Variants in LHFPL4 observed in about 807,000 individuals in gnomAD.
The protein encoded by LHFPL4 is LHFPL tetraspan subfamily member 4 protein.
A neutral mutation model predicts 20.0 loss-of-function variants in LHFPL4; 6 were observed. The observed-to-expected ratio is 0.30, with a 90% confidence interval of 0.16 to 0.59. The LOEUF (loss-of-function observed/expected upper bound fraction) is 0.59, where lower values mean the gene tolerates loss of function less well. Ranked by LOEUF, LHFPL4 falls within the 20% of genes least tolerant of loss-of-function variation. LHFPL4 has a pLI of 0.88. For missense variants in LHFPL4, 215 were observed against 331.2 expected (o/e 0.65, Z 2.72); for synonymous variants, 129 against 143.8 (o/e 0.90, Z 0.74).
Position 9,500,014 on chromosome 3 carries a change from C to G in LHFPL4, c.*2197G>C, listed in dbSNP as rs2046159520. 6.6e-6 allele frequency: 1 copy of G among 151,454 alleles called. No individual in the cohort carries two copies. The highest frequency in any genetic ancestry group is 1.5e-5 in the Non-Finnish European group (1 of 68,116). The allele number at this position is 151,454 out of a possible 1,614,324, so 9.4% of individuals were successfully genotyped here. A position where few individuals can be genotyped will look rare whatever the true frequency, so the allele number is the denominator to read the frequency against. On this transcript the variant is annotated 3_prime_UTR_variant, in exon 4 of 4. Transcript: ENST00000287585. ...GGCAGCCTCTCAGCTGGTCTCTCAT[C>G]TCTCTCCACCTCTGCCCCGTCTCTC...
chr3:9,527,809 A>AAC (rs58489008), intron 2 of LHFPL4, among the ~76,000 whole-genome samples: 50,258 of 142,712 alleles, frequency 0.35, 8,381 homozygotes, highest in South Asian at 0.42. Context: ...TTCAAATACA[A>AAC]ACACACACAC....
chr3:9,529,831 C>A (rs566318940), intron 2 of LHFPL4, among the ~76,000 whole-genome samples: 49 of 151,926 alleles, frequency 3.2e-4, no homozygotes, highest in African/African-American at 1.2e-3. Flanking sequence ...TGGGGTTTCA[C>A]CATCTTGGCC....
In LHFPL4 at chr3:9,524,885, T is replaced by C. The variant is rs183516021; in HGVS notation, c.407-18682A>G. Reference sequence around the variant, plus strand: ...AAGTAGGCTTTTAGTGATGTGGTGGTAAGATGTGGGAAGAGGGGAAGCATT... The same window carrying C: ...AAGTAGGCTTTTAGTGATGTGGTGGCAAGATGTGGGAAGAGGGGAAGCATT... On this transcript the variant is annotated intron_variant, in intron 2 of 3. Coordinates refer to ENST00000287585, the MANE Select transcript of LHFPL4 (RefSeq NM_198560.3). 8.5e-5 allele frequency among the ~76,000 whole-genome samples: 13 copies of C among 152,266 alleles called. No homozygotes were observed. In the East Asian group the frequency reaches 2.1e-3, roughly 25 times the overall value.
rs1474781107 is a variant in LHFPL4 at position 9,509,834 on chromosome 3, A to C, written c.407-3631T>G. On this transcript the variant is annotated intron_variant, in intron 2 of 3. Coordinates refer to ENST00000287585, the MANE Select transcript of LHFPL4 (RefSeq NM_198560.3). ...AGCCTAGGCCAAGGAAGTGCCCAAG[A>C]GGGCCAACCATCAGGAGATGGAATG... Among the ~76,000 whole-genome samples, 3 of 152,254 alleles carry C rather than the reference A, an allele frequency of 2.0e-5. No individual in the cohort carries two copies. The East Asian group carries it at 5.8e-4, about 29-fold the overall frequency.
At chr3:9,523,989 C>CCA (rs1553647652) in intron 2 of LHFPL4, among the ~76,000 whole-genome samples, 4 of 141,390 alleles carry the variant, frequency 2.8e-5, no homozygotes, top group Admixed American at 7.1e-5. Context: ...TATTTCCCCC[C>CCA]CCCCCAACAC....
At position 9,500,633 on chromosome 3, in the gene LHFPL4, C is replaced by G. The variant is rs1159102198; in HGVS notation, c.*1578G>C. 6.6e-6 allele frequency: 1 copy of G among 152,290 alleles called. No individual in the cohort carries two copies. Among genetic ancestry groups the G allele is most frequent in the Non-Finnish European group, 1.5e-5 (1 of 68,102 alleles). 9.4% of individuals were successfully genotyped at this position (152,290 alleles called of 1,614,324 possible). Reference sequence around the variant, plus strand: ...ACACATGGCGCTCAAGCGACCCTCTCCCCTCCGCCGAGGCCCGAGGCGGCT... The same window carrying G: ...ACACATGGCGCTCAAGCGACCCTCTGCCCTCCGCCGAGGCCCGAGGCGGCT... On this transcript the variant is annotated 3_prime_UTR_variant, in exon 4 of 4. Coordinates refer to ENST00000287585, the MANE Select transcript of LHFPL4 (RefSeq NM_198560.3).
chr3:9,538,014 C>T (rs781747757), intron 2 of LHFPL4, among the ~76,000 whole-genome samples: 4 of 152,100 alleles, frequency 2.6e-5, no homozygotes, highest in Non-Finnish European at 5.9e-5. Context: ...ATCCTATGTC[C>T]TTTGTGAATG....
intron 2 of LHFPL4, among the ~76,000 whole-genome samples, chr3:9,545,455 G>A (rs2046505788): frequency 6.6e-6 from 1 of 152,122 alleles, no homozygotes; most frequent in Non-Finnish European, 1.5e-5. Flanking sequence ...AAGGTGGGAG[G>A]ATCACTTAAG....
At chr3:9,510,834 A>G (rs1233468397) in intron 2 of LHFPL4, among the ~76,000 whole-genome samples, 2 of 151,904 alleles carry the variant, frequency 1.3e-5, no homozygotes, top group Non-Finnish European at 2.9e-5. Flanking sequence ...GCTACTCAGG[A>G]GGCTGAGGCA....
rs1458874934 is a variant in LHFPL4, at chr3:9,506,267, C to T, written c.407-64G>A. 5.4e-6 allele frequency: 7 copies of T among 1,305,240 alleles called. No individual in the cohort carries two copies. The highest frequency in any genetic ancestry group is 1.7e-5 in the Admixed American group (1 of 58,816). 80.9% of individuals were successfully genotyped at this position (1,305,240 alleles called of 1,614,324 possible). Reference sequence around the variant, plus strand: ...AAGGAAGAGAAAAGACCATTACTCGCTAGTGTCCGCAGTCTGGGCCCCACC... The same window carrying T: ...AAGGAAGAGAAAAGACCATTACTCGTTAGTGTCCGCAGTCTGGGCCCCACC... On this transcript the variant is annotated intron_variant, in intron 2 of 3. Coordinates refer to ENST00000287585, the MANE Select transcript of LHFPL4 (RefSeq NM_198560.3). This position sits in a 1 kb window ranked among gnomAD's most constrained non-coding sequence, Gnocchi z 4.5.
chr3:9,520,623 T>C (rs1333677135), intron 2 of LHFPL4, among the ~76,000 whole-genome samples: 1 of 152,086 alleles, frequency 6.6e-6, no homozygotes, highest in East Asian at 1.9e-4. Context: ...AAATTACAGG[T>C]GTGAGCCACC....
At chr3:9,512,213 G>C (rs2046266110) in intron 2 of LHFPL4, among the ~76,000 whole-genome samples, 1 of 152,216 alleles carries the variant, frequency 6.6e-6, no homozygotes, top group Non-Finnish European at 1.5e-5. Flanking sequence ...TTACAGGCGT[G>C]AGCCACCGCG....
At chr3:9,549,786 A>T (rs2046541445) in intron 2 of LHFPL4, among the ~76,000 whole-genome samples, 1 of 152,260 alleles carries the variant, frequency 6.6e-6, no homozygotes, top group African/African-American at 2.4e-5. Flanking sequence ...TTGATTCTCC[A>T]CAGTTCCTCT....
chr3:9,509,190 A>G (rs2648421), intron 2 of LHFPL4, among the ~76,000 whole-genome samples: 144,396 of 150,476 alleles, frequency 0.96, 69,328 homozygotes, highest in Middle Eastern at 1. Context: ...TCTCTCTTTC[A>G]TTCTGTGTCT....
At chr3:9,514,871 G>A (rs1011994689) in intron 2 of LHFPL4, among the ~76,000 whole-genome samples, 5 of 152,032 alleles carry the variant, frequency 3.3e-5, no homozygotes, top group African/African-American at 9.7e-5. Context: ...TCTATATTCT[G>A]GATATGCCAT....
At chr3:9,540,780 G>A (rs922947738) in intron 2 of LHFPL4, among the ~76,000 whole-genome samples, 35 of 151,700 alleles carry the variant, frequency 2.3e-4, no homozygotes, top group Admixed American at 1.8e-3. Context: ...GTATGCCTGT[G>A]GTCCCAGCTA....
intron 2 of LHFPL4, among the ~76,000 whole-genome samples, chr3:9,545,770 A>T (rs927843737): frequency 2.0e-5 from 3 of 151,922 alleles, no homozygotes; most frequent in African/African-American, 7.3e-5. Context: ...TTAACAAGGC[A>T]TGGTGGTGTG....
At chr3:9,536,061 TG>T (rs369298143) in intron 2 of LHFPL4, among the ~76,000 whole-genome samples, 7 of 152,100 alleles carry the variant, frequency 4.6e-5, no homozygotes, top group African/African-American at 1.7e-4. Context: ...TCACCCAAAG[TG>T]CTGGGATTAC....
intron 2 of LHFPL4, among the ~76,000 whole-genome samples, chr3:9,519,821 G>T (rs1408716798): frequency 6.6e-6 from 1 of 151,798 alleles, no homozygotes; most frequent in African/African-American, 2.4e-5. Flanking sequence ...AGTATAAGCT[G>T]GCTAATTTTT....
Sources: allele counts gnomAD v4.1 joint callset (sites outside exome capture counted in the v4.1 genomes callset), GRCh38; gene constraint gnomAD v4.1.1; non-coding constraint Gnocchi (gnomAD v3.1); transcripts MANE v1.5; gene names NCBI Gene and HGNC (gene_info 2026-07-23, HGNC 2026-07-21).